The following FBXO28 variants were observed in gnomAD, a reference collection of about 807,000 sequenced individuals.
FBXO28 encodes F-box protein 28.
In FBXO28, 8 loss-of-function variants were observed where a neutral mutation model predicts 38.1. That is an observed-to-expected ratio of 0.21 (90% CI 0.12 to 0.38). The LOEUF (loss-of-function observed/expected upper bound fraction) is 0.38, where lower values mean the gene tolerates loss of function less well. Ranked by LOEUF, FBXO28 falls within the 10% of genes least tolerant of loss-of-function variation. The pLI is 1.00. For synonymous variants in FBXO28, 168 were observed against 173.8 expected, an observed-to-expected ratio of 0.97 and a Z score of 0.26; for missense variants, 345 against 460.6, an observed-to-expected ratio of 0.75 and a Z score of 2.30.
intron 3 of FBXO28, among the ~76,000 whole-genome samples, chr1:224,143,928 T>G (rs1223633597): frequency 6.8e-6 from 1 of 147,638 alleles, no homozygotes; most frequent in African/African-American, 2.5e-5. Context: ...GGTGGATCAC[T>G]TGAGGTAAGG....
At chr1:224,135,624 A>AAAG (rs1553289990) in intron 3 of FBXO28, among the ~76,000 whole-genome samples, 7 of 50,584 alleles carry the variant, frequency 1.4e-4, no homozygotes, top group African/African-American at 3.1e-4. Context: ...AAAAAAAAAA[A>AAAG]AAAAAAAAAA....
chr1:224,127,285 A>G (rs536155859), intron 1 of FBXO28, among the ~76,000 whole-genome samples: 1 of 151,870 alleles, frequency 6.6e-6, no homozygotes, highest in South Asian at 2.1e-4. Context: ...TGATGACATG[A>G]TGGCATCACA....
intron 1 of FBXO28, among the ~76,000 whole-genome samples, chr1:224,125,016 T>A (rs1273688333): frequency 6.6e-6 from 1 of 152,204 alleles, no homozygotes; most frequent in Non-Finnish European, 1.5e-5. Flanking sequence ...TGCTGTTGGT[T>A]AGTCAGTGCT....
At chr1:224,131,798 A>G (rs553573008) in intron 2 of FBXO28, among the ~76,000 whole-genome samples, 1 of 152,326 alleles carries the variant, frequency 6.6e-6, no homozygotes, top group South Asian at 2.1e-4. Context: ...GCAAAAGAAA[A>G]AATTAAGCAA....
chr1:224,140,481 A>C (rs998320574), intron 3 of FBXO28, among the ~76,000 whole-genome samples: 27 of 152,184 alleles, frequency 1.8e-4, no homozygotes, highest in Non-Finnish European at 2.9e-4. Context: ...ATTTAAGTTT[A>C]ATGCTTACAG....
At chr1:224,154,194 T>G (rs1350190162) in intron 4 of FBXO28, among the ~76,000 whole-genome samples, 4 of 152,228 alleles carry the variant, frequency 2.6e-5, no homozygotes, top group Admixed American at 6.5e-5. Context: ...CTCAGAACAC[T>G]TCCTTAGCTT....
At position 224,119,994 on chromosome 1, in the gene FBXO28, A is replaced by T. The variant is rs191780500; in HGVS notation, c.267+5598A>T. Among the ~76,000 whole-genome samples, 141 of 152,302 alleles carry T rather than the reference A, an allele frequency of 9.3e-4. 1 individual carries two copies. Among genetic ancestry groups the T allele is most frequent in the Admixed American group, 8.0e-3 (122 of 15,282 alleles). ...ACATCTTTTGGTGGGTGGAGCAAAT[A>T]AGGGCATTTTAAAAAACAAAACAAC... On this transcript the variant is annotated intron_variant, in intron 1 of 4. Coordinates refer to ENST00000366862, the MANE Select transcript of FBXO28 (RefSeq NM_015176.4).
At chr1:224,115,431 C>A (rs1043339946) in intron 1 of FBXO28, among the ~76,000 whole-genome samples, 11 of 152,270 alleles carry the variant, frequency 7.2e-5, no homozygotes, top group African/African-American at 1.2e-4. Context: ...ATAACATCTT[C>A]TTATTACTCA....
intron 3 of FBXO28, among the ~76,000 whole-genome samples, chr1:224,146,134 T>TGA (rs1437062776): frequency 1.3e-5 from 2 of 151,014 alleles, no homozygotes; most frequent in African/African-American, 2.4e-5. Context: ...CTCAGGAGGC[T>TGA]GAGGTAGGAG....
chr1:224,129,595 A>G (rs1164206762), intron 1 of FBXO28, among the ~76,000 whole-genome samples: 1 of 152,212 alleles, frequency 6.6e-6, no homozygotes, highest in Admixed American at 6.5e-5. Context: ...CTGTGACCAT[A>G]ATAATGGGAA....
Position 224,157,599 on chromosome 1 carries a change from A to G in FBXO28, c.960A>G (p.Leu320=). 6.2e-7 allele frequency: 1 copy of G among 1,614,286 alleles called. No individual in the cohort carries two copies. Among genetic ancestry groups the G allele is most frequent in the Non-Finnish European group, 8.5e-7 (1 of 1,180,054 alleles). Residue 320 remains leucine, a synonymous_variant, in exon 5 of 5, where the codon CTA becomes CTG. Transcript: ENST00000366862. ...IGEQNARLAE[L]ERKLREVMES... is the part of the protein sequence containing the mutation. ...AACAAAATGCACGGTTGGCAGAGCTAGAACGCAAACTACGAGAAGTAATGG... is the reference window on the plus strand; with the variant it reads ...AACAAAATGCACGGTTGGCAGAGCTGGAACGCAAACTACGAGAAGTAATGG...
In FBXO28 at chr1:224,158,021, A is replaced by T. The variant is rs1657812077; in HGVS notation, c.*275A>T. On this transcript the variant is annotated 3_prime_UTR_variant, in exon 5 of 5. Coordinates refer to ENST00000366862, the MANE Select transcript of FBXO28 (RefSeq NM_015176.4). ...CTTTTTTCTGTGCAGATAATGTTGA[A>T]AGTAAGTTAATTTGTTTCTGCATAT... The T allele has an allele frequency of 8.5e-7, 1 of 1,181,092 alleles. No individual in the cohort carries two copies. Among genetic ancestry groups the T allele is most frequent in the African/African-American group, 1.6e-5 (1 of 63,188 alleles). The allele number at this position is 1,181,092 out of a possible 1,614,324, so 73.2% of individuals were successfully genotyped here.
In FBXO28 at chr1:224,158,896, T is replaced by G. The variant is rs1438177261; in HGVS notation, c.*1150T>G. The G allele has an allele frequency of 6.6e-6, 1 of 152,656 alleles. No individual in the cohort carries two copies. The highest frequency in any genetic ancestry group is 6.5e-5 in the Admixed American group (1 of 15,272). The allele number at this position is 152,656 out of a possible 1,614,324, so 9.5% of individuals were successfully genotyped here. ...GACCTTGAGGGAAGCTTTTTAATAT[T>G]AGTTTCAAGCTTTCCTTACCCTACA... On this transcript the variant is annotated 3_prime_UTR_variant, in exon 5 of 5. Coordinates refer to ENST00000366862, the MANE Select transcript of FBXO28 (RefSeq NM_015176.4).
intron 1 of FBXO28, among the ~76,000 whole-genome samples, chr1:224,114,916 A>T (rs1351613705): frequency 6.6e-6 from 1 of 152,094 alleles, no homozygotes; most frequent in African/African-American, 2.4e-5. Context: ...TGGCTCAGTG[A>T]CCCCAAACCC....
At position 224,153,268 on chromosome 1, in the gene FBXO28, A is replaced by G. The variant is rs1334112369; in HGVS notation, c.643A>G (p.Ile215Val). ...SMAMEYFDEK[I>V]VPILKRKLPG... ...GGCAATGGAGTACTTTGATGAAAAG[A>G]TTGTTCCAATTTTAAAGAGGAAATT... The change falls in exon 4 of 5, where the codon ATT becomes GTT. Residue 215 changes from isoleucine (I) to valine (V), a missense_variant. Physicochemically the swap from Ile to Val is conservative, Grantham distance 29 (BLOSUM62 3). Transcript: ENST00000366862. 3 of 1,611,410 alleles carry G rather than the reference A, an allele frequency of 1.9e-6. No homozygotes were observed. The highest frequency in any genetic ancestry group is 2.5e-6 in the Non-Finnish European group (3 of 1,179,084).
At chr1:224,127,660 A>G (rs972708112) in intron 1 of FBXO28, among the ~76,000 whole-genome samples, 1 of 152,300 alleles carries the variant, frequency 6.6e-6, no homozygotes, top group Admixed American at 6.5e-5. Flanking sequence ...TAATCCCTGC[A>G]CTTTGGGGGG....
At chr1:224,155,277 C>A (rs1007593151) in intron 4 of FBXO28, among the ~76,000 whole-genome samples, 1 of 151,904 alleles carries the variant, frequency 6.6e-6, no homozygotes, top group East Asian at 2.0e-4. Context: ...GCAATTCTCC[C>A]GCCTCAGCCT....
chr1:224,136,594 G>A (rs190557071), intron 3 of FBXO28, among the ~76,000 whole-genome samples: 19,014 of 150,910 alleles, frequency 0.13, 1,353 homozygotes, highest in South Asian at 0.17. Flanking sequence ...TGGGCATGGT[G>A]GCGGGCGCCT....
At chr1:224,134,349 T>G in intron 3 of FBXO28, 137 bp downstream of exon 3, 1 of 720,628 alleles carries the variant, frequency 1.4e-6, no homozygotes, top group Non-Finnish European at 2.2e-6. Flanking sequence ...GTTTGCTTTC[T>G]GTACAGTTAT....
Sources: allele counts gnomAD v4.1 joint callset (sites outside exome capture counted in the v4.1 genomes callset), GRCh38; gene constraint gnomAD v4.1.1; transcripts MANE v1.5; gene names NCBI Gene and HGNC (gene_info 2026-07-23, HGNC 2026-07-21).